The following SHANK2 variants were observed in gnomAD, a reference collection of about 807,000 sequenced individuals.
SHANK2 encodes the protein SH3 and multiple ankyrin repeat domains 2.
Under a neutral mutation model 133.7 loss-of-function variants are expected in SHANK2, and 43 were observed. The observed-to-expected ratio is 0.32, with a 90% CI of 0.25 to 0.41. The LOEUF (loss-of-function observed/expected upper bound fraction) is 0.41. SHANK2 is among the 10% of genes least tolerant of loss of function. The pLI is 1.00. For synonymous variants in SHANK2, 1,017 were observed against 952.8 expected (o/e 1.07, Z -1.24); for missense variants, 1,994 against 2,235.8 (o/e 0.89, Z 2.18).
chr11:70,574,762 T>C (rs1252347876), intron 17 of SHANK2, among the ~76,000 whole-genome samples: 2 of 152,118 alleles, frequency 1.3e-5, no homozygotes, highest in Non-Finnish European at 2.9e-5. Context: ...GTCTATGAAC[T>C]GGGGGATTAG....
intron 3 of SHANK2, among the ~76,000 whole-genome samples, chr11:71,140,859 GC>G: frequency 6.6e-6 from 1 of 152,382 alleles, no homozygotes; most frequent in East Asian, 1.9e-4. Context: ...CCTGCTGGCT[GC>G]CTTCCTGCCG....
At chr11:71,115,719 G>A (rs77360512) in intron 4 of SHANK2, among the ~76,000 whole-genome samples, 4,640 of 152,240 alleles carry the variant, frequency 0.03, 88 homozygotes, top group Middle Eastern at 0.061. Context: ...ACAGCTGCAG[G>A]TACTGGGGCC....
At chr11:71,086,067 T>A (rs1277346750) in intron 8 of SHANK2, among the ~76,000 whole-genome samples, 1 of 65,440 alleles carries the variant, frequency 1.5e-5, no homozygotes, top group African/African-American at 6.3e-5. Context: ...ATATATTATA[T>A]AATATATTAT....
chr11:70,581,004 A>G (rs1444496434), intron 17 of SHANK2, among the ~76,000 whole-genome samples: 3 of 152,184 alleles, frequency 2.0e-5, no homozygotes, highest in African/African-American at 7.2e-5. Context: ...CCCCGTCATC[A>G]GCACCTAAGT....
At chr11:70,599,382 C>G (rs11561010) in intron 17 of SHANK2, among the ~76,000 whole-genome samples, 1 of 146,650 alleles carries the variant, frequency 6.8e-6, no homozygotes, top group Admixed American at 6.9e-5. Flanking sequence ...CCGAGGCGGG[C>G]GGATCATGAG....
At chr11:71,059,388 CGGTGGTGATGGTTGAT>C (rs1397069773) in intron 9 of SHANK2, among the ~76,000 whole-genome samples, 9 of 151,856 alleles carry the variant, frequency 5.9e-5, no homozygotes, top group African/African-American at 1.7e-4. Flanking sequence ...TGATGGTTGA[CGGTGGTGATGGTTGAT>C]GGTGGTGATG....
At chr11:71,229,765 G>GAAAAA (rs55730780) in intron 1 of SHANK2, among the ~76,000 whole-genome samples, 18 of 116,526 alleles carry the variant, frequency 1.5e-4, no homozygotes, top group East Asian at 4.9e-4. Flanking sequence ...TCTCAAAAAA[G>GAAAAA]AAAAAAAAAA....
intron 2 of SHANK2, among the ~76,000 whole-genome samples, chr11:71,195,586 C>T (rs1953887923): frequency 6.6e-6 from 1 of 152,000 alleles, no homozygotes; most frequent in Non-Finnish European, 1.5e-5. Flanking sequence ...TTTACATACC[C>T]GAAACAGAGT....
At chr11:70,757,167 G>A (rs1946893732) in intron 14 of SHANK2, among the ~76,000 whole-genome samples, 1 of 152,228 alleles carries the variant, frequency 6.6e-6, no homozygotes, top group South Asian at 2.1e-4. Context: ...GAGCAGGAGA[G>A]ACAGGAAGCA....
chr11:70,726,059 C>A (rs1429724623), intron 14 of SHANK2, among the ~76,000 whole-genome samples: 1 of 152,220 alleles, frequency 6.6e-6, no homozygotes, highest in Non-Finnish European at 1.5e-5. Flanking sequence ...TCCATGTAAG[C>A]TTCTCCATGC....
At chr11:71,145,978 G>C (rs546379961) in intron 3 of SHANK2, among the ~76,000 whole-genome samples, 1 of 152,156 alleles carries the variant, frequency 6.6e-6, no homozygotes, top group African/African-American at 2.4e-5. Context: ...AGACTGTGAC[G>C]AGCCTCACCC....
intron 10 of SHANK2, among the ~76,000 whole-genome samples, chr11:70,900,247 G>C (rs1008842638): frequency 6.6e-6 from 1 of 152,032 alleles, no homozygotes; most frequent in African/African-American, 2.4e-5. Context: ...TCAGCTATTC[G>C]GGAAGCTGAG....
intron 2 of SHANK2, among the ~76,000 whole-genome samples, chr11:71,193,461 G>A (rs569835854): frequency 9.2e-5 from 14 of 152,322 alleles, no homozygotes; most frequent in East Asian, 5.8e-4. Flanking sequence ...TGCGCTGGAC[G>A]TGCAAACATC....
chr11:70,907,912 G>C (rs1950130996), intron 10 of SHANK2: 2 of 452,994 alleles, frequency 4.4e-6, no homozygotes, highest in African/African-American at 2.0e-5. Context: ...GACCAGTCTG[G>C]CCAACATAGC....
chr11:70,898,595 T>C (rs541645675), intron 10 of SHANK2, among the ~76,000 whole-genome samples: 2 of 152,296 alleles, frequency 1.3e-5, no homozygotes, highest in Non-Finnish European at 2.9e-5. Flanking sequence ...TTGTGGAAGG[T>C]AGACTGTGTG....
intron 17 of SHANK2, among the ~76,000 whole-genome samples, chr11:70,530,817 A>T (rs1214146379): frequency 6.6e-6 from 1 of 152,118 alleles, no homozygotes; most frequent in Non-Finnish European, 1.5e-5. Flanking sequence ...TCTGAGATGG[A>T]TAGTGGTGAC....
chr11:70,520,216 T>C (rs2059314185), intron 17 of SHANK2, among the ~76,000 whole-genome samples: 1 of 152,220 alleles, frequency 6.6e-6, no homozygotes, highest in South Asian at 2.1e-4. Context: ...AGTATTGATA[T>C]ATTTCATTAA....
intron 14 of SHANK2, among the ~76,000 whole-genome samples, chr11:70,718,964 G>A (rs1272742876): frequency 2.6e-5 from 4 of 152,132 alleles, no homozygotes; most frequent in African/African-American, 7.2e-5. Flanking sequence ...GGATAATCAC[G>A]AATTATCGGT....
intron 2 of SHANK2, among the ~76,000 whole-genome samples, chr11:71,197,202 C>A (rs112637989): frequency 0.03 from 4,632 of 152,146 alleles, 103 homozygotes; most frequent in African/African-American, 0.062. Flanking sequence ...CTCAGTGTGA[C>A]CCAACGTGTT....
Sources: gnomAD v4.1 joint callset for allele counts (sites outside exome capture counted in the v4.1 genomes callset) on GRCh38, gnomAD v4.1.1 for gene constraint, MANE v1.5 for transcripts, NCBI Gene and HGNC (gene_info 2026-07-23, HGNC 2026-07-21) for gene names.